The following RBM19 variants were observed in gnomAD, a reference collection of about 807,000 sequenced individuals.
RBM19 encodes the protein RNA binding motif protein 19, also known as probable RNA-binding protein 19.
Under a neutral mutation model 116.8 loss-of-function variants are expected in RBM19, and 94 were observed. The observed-to-expected ratio is 0.80, with a 90% CI of 0.68 to 0.95. The LOEUF is 0.95. RBM19 is among the 40% of genes least tolerant of loss of function. The pLI is 0.00. For synonymous variants in RBM19, 475 were observed against 494.1 expected (o/e 0.96, Z 0.51); for missense variants, 1,161 against 1,220.7 (o/e 0.95, Z 0.73).
chr12:113,946,586 C>T (rs1871043737), intron 11 of RBM19, 111 bp from the exon 12 acceptor site: 2 of 1,447,406 alleles, frequency 1.4e-6, no homozygotes, highest in African/African-American at 2.8e-5. Context: ...GCACTGAAAC[C>T]CTGACCAGAG....
At chr12:113,908,668 A>G (rs557993648) in intron 21 of RBM19, among the ~76,000 whole-genome samples, 80 of 144,914 alleles carry the variant, frequency 5.5e-4, no homozygotes, top group African/African-American at 1.9e-3. Flanking sequence ...GCCTGCTCTC[A>G]CCAGACATCC....
intron 23 of RBM19, among the ~76,000 whole-genome samples, chr12:113,823,908 G>A (rs1322734265): frequency 6.6e-6 from 1 of 152,212 alleles, no homozygotes; most frequent in East Asian, 1.9e-4. Context: ...ACAGGTGCTC[G>A]ATAAGTGGTG....
At chr12:113,846,533 A>G (rs540845419) in intron 22 of RBM19, among the ~76,000 whole-genome samples, 2 of 152,300 alleles carry the variant, frequency 1.3e-5, no homozygotes, top group East Asian at 3.9e-4. Context: ...ACAGAGACAC[A>G]TGGCAAATGC....
intron 5 of RBM19, among the ~76,000 whole-genome samples, chr12:113,958,468 C>T (rs1267485842): frequency 1.3e-5 from 2 of 152,134 alleles, no homozygotes; most frequent in East Asian, 3.9e-4. Context: ...CTCAAGCCAT[C>T]CCAACCCACA....
intron 21 of RBM19, among the ~76,000 whole-genome samples, chr12:113,877,367 C>T (rs1879745868): frequency 6.6e-6 from 1 of 152,196 alleles, no homozygotes; most frequent in Admixed American, 6.5e-5. Context: ...ACTACCCCTC[C>T]CAGACCCTAC....
chr12:113,959,439 G>A (rs764694768), intron 4 of RBM19, 35 bp from the exon 5 acceptor site: 1 of 1,583,308 alleles, frequency 6.3e-7, no homozygotes, highest in East Asian at 2.3e-5. Context: ...CAGGGACACG[G>A]GAAAAAGAGA....
chr12:113,864,758 A>T (rs1878681394), intron 21 of RBM19, among the ~76,000 whole-genome samples: 1 of 152,178 alleles, frequency 6.6e-6, no homozygotes, highest in Non-Finnish European at 1.5e-5. Context: ...GATACATACA[A>T]ACTAAAGCCT....
chr12:113,920,811 T>C (rs1868477952), intron 18 of RBM19, 121 bp from the exon 19 acceptor site: 9 of 844,366 alleles, frequency 1.1e-5, no homozygotes, highest in Middle Eastern at 7.1e-4. Flanking sequence ...ACCCCCTTCA[T>C]TCCCCCCAAA....
chr12:113,942,594 CTTTTTTTTTTTT>C, intron 13 of RBM19, among the ~76,000 whole-genome samples, 160 bp from the exon 14 acceptor site: 1 of 125,830 alleles, frequency 7.9e-6, no homozygotes, highest in South Asian at 2.6e-4. Context: ...CGGCTCTGTG[CTTTTTTTTTTTT>C]TTTTTTTTAA....
rs369732939 is a variant in RBM19, at chr12:113,844,680, C to A, written c.2773G>T (p.Ala925Ser). The change falls in exon 23 of 24, where the codon GCT becomes TCT. Residue 925 changes from alanine to serine, a missense_variant. Transcript: ENST00000261741. ...GTCCCGCTCCTACCGTGAAAGTGAG[C>A]GGCCGTCTTCCGCCGCAGGGCCTGC... ...TLQALRRKTA[A>S]HFHEPPKKKR... The A allele has an allele frequency of 1.9e-6, 3 of 1,609,972 alleles. No individual in the cohort carries two copies. Among genetic ancestry groups the A allele is most frequent in the South Asian group, 1.1e-5 (1 of 90,338 alleles).
intron 23 of RBM19, among the ~76,000 whole-genome samples, chr12:113,829,771 C>T (rs1348254663): frequency 6.6e-6 from 1 of 152,228 alleles, no homozygotes; most frequent in Non-Finnish European, 1.5e-5. Context: ...CATGAGAGCA[C>T]TTAGCCCAGG....
At chr12:113,890,053 C>T (rs1303942138) in intron 21 of RBM19, among the ~76,000 whole-genome samples, 5 of 152,216 alleles carry the variant, frequency 3.3e-5, no homozygotes, top group Non-Finnish European at 5.9e-5. Context: ...GTGGTAACCT[C>T]GCTAATTCAA....
chr12:113,915,572 C>T (rs377553126), intron 20 of RBM19, among the ~76,000 whole-genome samples: 5 of 152,314 alleles, frequency 3.3e-5, no homozygotes, highest in Admixed American at 6.5e-5. Flanking sequence ...TGCAGTGCTA[C>T]CTGGCCTGTC....
At position 113,946,343 on chromosome 12, in the gene RBM19, G is replaced by C; in HGVS notation, c.1529+11C>G. 1 of 1,614,078 alleles carries C rather than the reference G, an allele frequency of 6.2e-7. No individual in the cohort carries two copies. Among genetic ancestry groups the C allele is most frequent in the South Asian group, 1.1e-5 (1 of 91,064 alleles). ...GGGTTGGAGCTCAGTGGTTTCAGGG[G>C]CACTGAGGACCTGGCACTGTTGGCT... On this transcript the variant is annotated intron_variant, in intron 12 of 23. Coordinates refer to ENST00000261741, the MANE Select transcript of RBM19 (RefSeq NM_016196.4).
chr12:113,933,666 G>A (rs929282060), intron 16 of RBM19, among the ~76,000 whole-genome samples: 61 of 152,328 alleles, frequency 4.0e-4, no homozygotes, highest in African/African-American at 1.3e-3. Flanking sequence ...GGGGACCCGC[G>A]GGCAGGGGGT....
At chr12:113,921,032 C>G (rs560857964) in intron 18 of RBM19, among the ~76,000 whole-genome samples, 1 of 152,350 alleles carries the variant, frequency 6.6e-6, no homozygotes, top group African/African-American at 2.4e-5. Flanking sequence ...TCTACCTGGG[C>G]AGTCCTCTGC....
chr12:113,860,805 G>A lies in RBM19; in HGVS notation c.2559-1909C>T, dbSNP rs556171213. ...CTGGCCAGGGCTAGGGCTCAGCTCC[G>A]CAAGAGTCCAGGCCCCATCTATCTT... On this transcript the variant is annotated intron_variant, in intron 21 of 23. Coordinates refer to ENST00000261741, the MANE Select transcript of RBM19 (RefSeq NM_016196.4). 1.2e-4 allele frequency among the ~76,000 whole-genome samples: 18 copies of A among 152,262 alleles called. No individual in the cohort carries two copies. In the South Asian group the frequency reaches 3.3e-3, roughly 28 times the overall value.
intron 13 of RBM19, 64 bp from the exon 14 acceptor site, chr12:113,942,498 TCTC>T: frequency 7.4e-7 from 1 of 1,347,958 alleles, no homozygotes; most frequent in East Asian, 2.5e-5. Context: ...GGCCCTCCCA[TCTC>T]CCAACAGCCT....
intron 16 of RBM19, among the ~76,000 whole-genome samples, chr12:113,934,416 G>A (rs1029759084): frequency 6.6e-6 from 1 of 152,208 alleles, no homozygotes; most frequent in African/African-American, 2.4e-5. Flanking sequence ...ATTTCCCCAG[G>A]GGCTCTAGGC....
Sources: allele counts gnomAD v4.1 joint callset (sites outside exome capture counted in the v4.1 genomes callset), GRCh38; gene constraint gnomAD v4.1.1; transcripts MANE v1.5; gene names NCBI Gene and HGNC (gene_info 2026-07-23, HGNC 2026-07-21).